Variants in KLHL24 observed in about 807,000 individuals in gnomAD.
KLHL24 encodes the protein kelch-like protein 24.
In KLHL24, 29 loss-of-function variants were observed where a neutral mutation model predicts 53.4. The observed-to-expected ratio is 0.54, with a 90% confidence interval of 0.40 to 0.74. The LOEUF is 0.74. Ranked by LOEUF, KLHL24 falls within the 30% of genes least tolerant of loss-of-function variation. The pLI is 0.00. For missense variants in KLHL24, 504 were observed against 744.0 expected (o/e 0.68, Z 3.75); for synonymous variants, 222 against 253.7 (o/e 0.88, Z 1.19).
Position 183,680,479 on chromosome 3 carries a change from C to G in KLHL24, c.*1193C>G, listed in dbSNP as rs114874396. ...ATAGGATAAAGCAGGGACCACCTAT[C>G]TCAGTGGGTCCATTTTTCTTTTAAA... On this transcript the variant is annotated 3_prime_UTR_variant, in exon 8 of 8. Coordinates refer to ENST00000242810, the MANE Select transcript of KLHL24 (RefSeq NM_017644.3). 95 of 152,308 alleles carry G rather than the reference C, an allele frequency of 6.2e-4. No homozygotes were observed. Among genetic ancestry groups the G allele is most frequent in the African/African-American group, 2.2e-3 (90 of 41,568 alleles). The allele number at this position is 152,308 out of a possible 1,614,324, so 9.4% of individuals were successfully genotyped here.
chr3:183,648,241 T>C (rs1717608112), intron 2 of KLHL24, among the ~76,000 whole-genome samples: 1 of 152,134 alleles, frequency 6.6e-6, no homozygotes, highest in Non-Finnish European at 1.5e-5. Context: ...GAAGAGAGGA[T>C]GGAGATAAAT....
chr3:183,643,935 G>A (rs118104911), intron 2 of KLHL24, among the ~76,000 whole-genome samples: 9 of 148,712 alleles, frequency 6.1e-5, no homozygotes, highest in East Asian at 4.0e-4. Context: ...GTAATCTTAC[G>A]TTTTGTTTGC....
At chr3:183,667,712 C>T (rs963844487) in intron 5 of KLHL24, among the ~76,000 whole-genome samples, 3 of 151,962 alleles carry the variant, frequency 2.0e-5, no homozygotes, top group Admixed American at 6.6e-5. Context: ...CTTCTCAAAA[C>T]AGTTTATATA....
Position 183,663,680 on chromosome 3 carries a change from G to C in KLHL24, c.1105+38G>C. The C allele has an allele frequency of 1.7e-6, 2 of 1,180,594 alleles. No individual in the cohort carries two copies. The highest frequency in any genetic ancestry group is 5.3e-5 in the East Asian group (2 of 37,648). 73.1% of individuals were successfully genotyped at this position (1,180,594 alleles called of 1,614,324 possible). On this transcript the variant is annotated intron_variant, in intron 4 of 7. Transcript: ENST00000242810. This position sits in a 1 kb window ranked among gnomAD's most constrained non-coding sequence, Gnocchi z 4.9. Reference sequence around the variant, plus strand: ...TTATTACAGTAGCTACTTTTAATTTGGACACAGCTTCATTATTTTAAACAT... The same window carrying C: ...TTATTACAGTAGCTACTTTTAATTTCGACACAGCTTCATTATTTTAAACAT...
Position 183,663,115 on chromosome 3 carries a change from T to G in KLHL24, c.921-343T>G, listed in dbSNP as rs1576944985. Among the ~76,000 whole-genome samples, 1 of 152,350 alleles carries G rather than the reference T, an allele frequency of 6.6e-6. No homozygotes were observed. Among genetic ancestry groups the G allele is most frequent in the Non-Finnish European group, 1.5e-5 (1 of 68,038 alleles). On this transcript the variant is annotated intron_variant, in intron 3 of 7. Coordinates refer to ENST00000242810, the MANE Select transcript of KLHL24 (RefSeq NM_017644.3). The surrounding 1 kb of genome is among the most constrained non-coding windows in gnomAD (Gnocchi z 4.9). ...ATCTTACCTTGTGTGGTTATGCGTA[T>G]CTGAATCACTGCAAAACTGCATTTG...
chr3:183,655,645 C>T (rs970339332), intron 3 of KLHL24, among the ~76,000 whole-genome samples: 9 of 151,882 alleles, frequency 5.9e-5, no homozygotes, highest in Non-Finnish European at 1.3e-4. Context: ...ATTCTACTGG[C>T]CAGGTGCAGT....
chr3:183,636,511 C>G (rs1715228713), intron 1 of KLHL24: 1 of 152,194 alleles, frequency 6.6e-6, no homozygotes, highest in Non-Finnish European at 1.5e-5. Flanking sequence ...GCGCAGTCCC[C>G]GCCTAACCTC....
intron 5 of KLHL24, among the ~76,000 whole-genome samples, chr3:183,666,772 C>T (rs1221332730): frequency 6.6e-6 from 1 of 152,236 alleles, no homozygotes. Context: ...TTTAAAAAGT[C>T]ATATCTAATA....
intron 6 of KLHL24, 65 bp downstream of exon 6, chr3:183,671,287 A>G: frequency 7.0e-7 from 1 of 1,427,058 alleles, no homozygotes. Flanking sequence ...CAGAAGGCTT[A>G]TCAAGTAGGT....
At chr3:183,668,451 T>G (rs775814370) in intron 5 of KLHL24, among the ~76,000 whole-genome samples, 10 of 152,168 alleles carry the variant, frequency 6.6e-5, no homozygotes, top group Non-Finnish European at 1.5e-4. Context: ...TGGAAGTCAT[T>G]TTGCTAAAAT....
chr3:183,648,347 A>G (rs1186854432), intron 2 of KLHL24, among the ~76,000 whole-genome samples: 7 of 152,232 alleles, frequency 4.6e-5, no homozygotes, highest in Admixed American at 4.6e-4. Flanking sequence ...GTCACTTAAA[A>G]AGTGGGGTAC....
At chr3:183,645,341 T>C (rs1717065775) in intron 2 of KLHL24, among the ~76,000 whole-genome samples, 1 of 152,260 alleles carries the variant, frequency 6.6e-6, no homozygotes, top group Non-Finnish European at 1.5e-5. Flanking sequence ...AAAATGGTTA[T>C]TGAGATAACT....
Position 183,653,497 on chromosome 3 carries a change from G to A in KLHL24, c.920+2221G>A, listed in dbSNP as rs571758566. Reference sequence around the variant, plus strand: ...TGAAGTGGAGTGGCTAGCCAGTGGCGCAAAATTTGCAGGGCGGGGAAACCA... The same window carrying A: ...TGAAGTGGAGTGGCTAGCCAGTGGCACAAAATTTGCAGGGCGGGGAAACCA... On this transcript the variant is annotated intron_variant, in intron 3 of 7. Transcript: ENST00000242810. Among the ~76,000 whole-genome samples the A allele has an allele frequency of 1.1e-4, 17 of 152,180 alleles. No homozygotes were observed. In the South Asian group the frequency reaches 3.3e-3, roughly 30 times the overall value.
chr3:183,684,177 A>G lies in KLHL24; in HGVS notation c.*4891A>G, dbSNP rs1712970277. On this transcript the variant is annotated 3_prime_UTR_variant, in exon 8 of 8. Transcript: ENST00000242810. ...AAAAGCACTTACTCTCCCCTTCCCTATCACCCCTCCCCCAAGGTTTCTTTA... is the reference window on the plus strand; with the variant it reads ...AAAAGCACTTACTCTCCCCTTCCCTGTCACCCCTCCCCCAAGGTTTCTTTA... 1 of 151,964 alleles carries G rather than the reference A, an allele frequency of 6.6e-6. No individual in the cohort carries two copies. The highest frequency in any genetic ancestry group is 6.6e-5 in the Admixed American group (1 of 15,250). 9.4% of individuals were successfully genotyped at this position (151,964 alleles called of 1,614,324 possible).
intron 7 of KLHL24, among the ~76,000 whole-genome samples, chr3:183,676,700 G>A (rs1164169719): frequency 6.6e-6 from 1 of 151,924 alleles, no homozygotes; most frequent in East Asian, 1.9e-4. Flanking sequence ...AACATATTTT[G>A]CTTTTTAACC....
intron 3 of KLHL24, among the ~76,000 whole-genome samples, chr3:183,652,555 T>C (rs1718268546): frequency 1.3e-5 from 2 of 152,174 alleles, no homozygotes. Context: ...TTTTTATTAG[T>C]TTATTATTGG....
intron 2 of KLHL24, 124 bp downstream of exon 2, chr3:183,643,666 T>C (rs1716800294): frequency 6.6e-6 from 1 of 152,202 alleles, no homozygotes; most frequent in African/African-American, 2.4e-5. Flanking sequence ...ATCCTTAAGA[T>C]CACAAAAGAT....
chr3:183,663,644 T>C lies in KLHL24; in HGVS notation c.1105+2T>C. On this transcript the variant is annotated splice_donor_variant, in intron 4 of 7. Coordinates refer to ENST00000242810, the MANE Select transcript of KLHL24 (RefSeq NM_017644.3). LOFTEE classifies it high-confidence loss of function. The surrounding 1 kb of genome is among the most constrained non-coding windows in gnomAD (Gnocchi z 4.9). ...TAAGGAATGACATTCTTGTTTCAGGTAAATATAGAATTATTACAGTAGCTA... is the reference window on the plus strand; with the variant it reads ...TAAGGAATGACATTCTTGTTTCAGGCAAATATAGAATTATTACAGTAGCTA... 1 of 1,516,158 alleles carries C rather than the reference T, an allele frequency of 6.6e-7. No individual in the cohort carries two copies. The highest frequency in any genetic ancestry group is 8.9e-7 in the Non-Finnish European group (1 of 1,121,780). 93.9% of individuals were successfully genotyped at this position (1,516,158 alleles called of 1,614,324 possible).
At chr3:183,647,609 G>C (rs1330357094) in intron 2 of KLHL24, among the ~76,000 whole-genome samples, 1 of 152,080 alleles carries the variant, frequency 6.6e-6, no homozygotes, top group Non-Finnish European at 1.5e-5. Flanking sequence ...TACTTGGGAG[G>C]CTGAAGCAGG....
Sources: allele counts gnomAD v4.1 joint callset (sites outside exome capture counted in the v4.1 genomes callset), GRCh38; gene constraint gnomAD v4.1.1; non-coding constraint Gnocchi (gnomAD v3.1); transcripts MANE v1.5; gene names NCBI Gene and HGNC (gene_info 2026-07-23, HGNC 2026-07-21).